NFATC3: variants seen among roughly 807,000 people sequenced by gnomAD.
The protein encoded by NFATC3 is nuclear factor of activated T-cells, cytoplasmic 3.
Under a neutral mutation model 98.6 loss-of-function variants are expected in NFATC3, and 46 were observed. That is an observed-to-expected ratio of 0.47 (90% CI 0.37 to 0.60). NFATC3 has a LOEUF of 0.60. Ranked by LOEUF, NFATC3 falls within the 20% of genes least tolerant of loss-of-function variation. The pLI is 0.00. For missense variants in NFATC3, 1,256 were observed against 1,295.5 expected, an observed-to-expected ratio of 0.97 and a Z score of 0.47; for synonymous variants, 512 against 472.2, an observed-to-expected ratio of 1.08 and a Z score of -1.09.
chr16:68,102,532 G>A (rs2035430290), intron 1 of NFATC3, among the ~76,000 whole-genome samples: 2 of 152,106 alleles, frequency 1.3e-5, no homozygotes, highest in Middle Eastern at 3.4e-3. Flanking sequence ...TGAAAAGTCT[G>A]ATGCCATTCT....
chr16:68,142,247 T>C (rs556877599), intron 3 of NFATC3, among the ~76,000 whole-genome samples: 1 of 152,282 alleles, frequency 6.6e-6, no homozygotes, highest in South Asian at 2.1e-4. Flanking sequence ...ATCTATGATT[T>C]TTTTCAGCAG....
chr16:68,146,084 G>A (rs2038027625), intron 3 of NFATC3, among the ~76,000 whole-genome samples: 3 of 151,898 alleles, frequency 2.0e-5, no homozygotes, highest in African/African-American at 7.3e-5. Context: ...ATACATACTG[G>A]TTGAGCATCC....
At chr16:68,194,809 A>G (rs2040591950) in intron 9 of NFATC3, among the ~76,000 whole-genome samples, 2 of 152,192 alleles carry the variant, frequency 1.3e-5, no homozygotes, top group Non-Finnish European at 1.5e-5. Flanking sequence ...GCAACAAATC[A>G]GATCTCTAGA....
intron 1 of NFATC3, among the ~76,000 whole-genome samples, chr16:68,088,225 A>T (rs551025548): frequency 5.3e-5 from 8 of 151,364 alleles, no homozygotes; most frequent in African/African-American, 1.9e-4. Context: ...TCTCTTCCTC[A>T]CTGGAATGGA....
chr16:68,195,302 A>C (rs760641097), intron 9 of NFATC3, among the ~76,000 whole-genome samples: 16 of 152,168 alleles, frequency 1.1e-4, no homozygotes, highest in Middle Eastern at 6.3e-3. Flanking sequence ...CCCCCCAGAG[A>C]CTAGCTATCA....
At chr16:68,186,668 G>T (rs2040216131) in intron 8 of NFATC3, among the ~76,000 whole-genome samples, 1 of 152,096 alleles carries the variant, frequency 6.6e-6, no homozygotes, top group Non-Finnish European at 1.5e-5. Context: ...AATGGAAATG[G>T]GACTAGCCCA....
intron 3 of NFATC3, among the ~76,000 whole-genome samples, chr16:68,150,700 A>C (rs372627711): frequency 2.3e-4 from 35 of 152,328 alleles, no homozygotes; most frequent in African/African-American, 8.2e-4. Context: ...TGGTTTGGCT[A>C]TGTCTCCACC....
At chr16:68,089,222 G>A in intron 1 of NFATC3, 4 of 985,420 alleles carry the variant, frequency 4.1e-6, no homozygotes, top group Non-Finnish European at 4.8e-6. Flanking sequence ...TAGAGAGTGA[G>A]GACAAGCCAA....
chr16:68,137,614 CCTT>C (rs2037494767), intron 3 of NFATC3, among the ~76,000 whole-genome samples: 1 of 151,336 alleles, frequency 6.6e-6, no homozygotes, highest in Non-Finnish European at 1.5e-5. Flanking sequence ...ATTTCATTTT[CCTT>C]CTTTTTTTTT....
chr16:68,168,571 C>T (rs2039322678), intron 5 of NFATC3, among the ~76,000 whole-genome samples: 2 of 152,056 alleles, frequency 1.3e-5, no homozygotes, highest in African/African-American at 4.8e-5. Flanking sequence ...CTGCAACCTC[C>T]ACCTCCCATG....
At chr16:68,088,803 G>T (rs985296027) in intron 1 of NFATC3, 5 of 195,632 alleles carry the variant, frequency 2.6e-5, no homozygotes, top group Non-Finnish European at 4.6e-5. Flanking sequence ...CAAAGTGGTG[G>T]GATTACAGGC....
intron 5 of NFATC3, among the ~76,000 whole-genome samples, chr16:68,171,728 G>A (rs1331421688): frequency 6.6e-6 from 1 of 152,130 alleles, no homozygotes; most frequent in Non-Finnish European, 1.5e-5. Flanking sequence ...ACCTGCCTCT[G>A]CCTTCCAAAG....
chr16:68,144,923 G>A (rs1489688567), intron 3 of NFATC3, among the ~76,000 whole-genome samples: 1 of 152,066 alleles, frequency 6.6e-6, no homozygotes, highest in African/African-American at 2.4e-5. Flanking sequence ...CTCCCAAAGT[G>A]CTGGGATTAC....
chr16:68,089,024 C>T, intron 1 of NFATC3: 2 of 985,392 alleles, frequency 2.0e-6, no homozygotes, highest in Non-Finnish European at 2.4e-6. Context: ...GCTCACTGCT[C>T]TTTCGTGGTA....
At chr16:68,126,668 A>T in intron 3 of NFATC3, 58 bp downstream of exon 3, 2 of 1,547,800 alleles carry the variant, frequency 1.3e-6, no homozygotes, top group Non-Finnish European at 1.8e-6. Flanking sequence ...TGATTAGACA[A>T]GTCTATTCAG....
At chr16:68,092,475 T>C (rs1027506553) in intron 1 of NFATC3, among the ~76,000 whole-genome samples, 7 of 147,996 alleles carry the variant, frequency 4.7e-5, no homozygotes, top group Non-Finnish European at 1.0e-4. Context: ...AATAAATAAA[T>C]AAAAGGCTGG....
At chr16:68,155,563 G>A (rs2038565506) in intron 3 of NFATC3, among the ~76,000 whole-genome samples, 1 of 152,170 alleles carries the variant, frequency 6.6e-6, no homozygotes, top group South Asian at 2.1e-4. Flanking sequence ...CGGAGACTTG[G>A]TTATGAAGCA....
intron 3 of NFATC3, chr16:68,138,888 C>A (rs1000420508): frequency 5.9e-6 from 5 of 848,000 alleles, no homozygotes; most frequent in African/African-American, 1.8e-5. Flanking sequence ...TTGGTTGAAT[C>A]CTGGATTTTA....
At chr16:68,096,609 G>A (rs758237392) in intron 1 of NFATC3, among the ~76,000 whole-genome samples, 86 of 152,272 alleles carry the variant, frequency 5.6e-4, no homozygotes, top group Admixed American at 2.7e-3. Flanking sequence ...ACAGAGGTAC[G>A]GAGAAGGGCC....
Sources: gnomAD v4.1 joint callset for allele counts (sites outside exome capture counted in the v4.1 genomes callset) on GRCh38, gnomAD v4.1.1 for gene constraint, MANE v1.5 for transcripts, NCBI Gene and HGNC (gene_info 2026-07-23, HGNC 2026-07-21) for gene names.